FKBP9: variants seen among roughly 807,000 people sequenced by gnomAD.
FKBP9 encodes FKBP prolyl isomerase 9.
A neutral mutation model predicts 55.6 loss-of-function variants in FKBP9; 27 were observed. The observed-to-expected ratio is 0.49, with a 90% confidence interval of 0.36 to 0.67. The LOEUF (loss-of-function observed/expected upper bound fraction) is 0.67. FKBP9 is among the 30% of genes least tolerant of loss of function. The pLI, the probability that FKBP9 is intolerant of heterozygous loss-of-function variation, is 0.00. For synonymous variants in FKBP9, 267 were observed against 296.5 expected (o/e 0.90, Z 1.02); for missense variants, 539 against 742.8 (o/e 0.73, Z 3.19).
chr7:32,999,401 G>A (rs1784884898), intron 7 of FKBP9, among the ~76,000 whole-genome samples: 1 of 151,416 alleles, frequency 6.6e-6, no homozygotes, highest in Non-Finnish European at 1.5e-5. Flanking sequence ...AGTGACCGAA[G>A]TGATAGAGCA....
chr7:32,994,381 A>G (rs1177997946), intron 6 of FKBP9, among the ~76,000 whole-genome samples: 1 of 152,184 alleles, frequency 6.6e-6, no homozygotes, highest in Non-Finnish European at 1.5e-5. Flanking sequence ...TTCACTTAGC[A>G]TAATGTTTTC....
At chr7:32,959,735 T>C (rs1460201097) in intron 1 of FKBP9, among the ~76,000 whole-genome samples, 1 of 152,236 alleles carries the variant, frequency 6.6e-6, no homozygotes, top group African/African-American at 2.4e-5. Flanking sequence ...TTGTTATTTA[T>C]TTATAATTGG....
Position 32,957,510 on chromosome 7 carries a change from GC to G in FKBP9, c.-61del. The G allele has an allele frequency of 1.6e-6, 2 of 1,245,764 alleles. No homozygotes were observed. Among genetic ancestry groups the G allele is most frequent in the South Asian group, 1.9e-5 (1 of 52,188 alleles). 77.2% of individuals were successfully genotyped at this position (1,245,764 alleles called of 1,614,324 possible). On this transcript the variant is annotated 5_prime_UTR_variant, in exon 1 of 10. Coordinates refer to ENST00000242209, the MANE Select transcript of FKBP9 (RefSeq NM_007270.5). Reference sequence around the variant, plus strand: ...TCCACGTTTGCAAACGCAGCCGAACGCCCAGGCCGACCCGTGCCGCCCGAGC... The same window carrying G: ...TCCACGTTTGCAAACGCAGCCGAACGCCAGGCCGACCCGTGCCGCCCGAGC...
chr7:32,975,296 G>C lies in FKBP9; in HGVS notation c.482G>C (p.Arg161Pro). Residue 161 changes from arginine (R) to proline (P), a missense_variant, in exon 3 of 10, where the codon CGG becomes CCG. Arg to Pro is a moderately radical substitution (Grantham distance 103). Coordinates refer to ENST00000242209, the MANE Select transcript of FKBP9 (RefSeq NM_007270.5). ...HTYFKPPSCPRTIQVSDFVRY... is the reference protein window; with the variant it reads ...HTYFKPPSCPPTIQVSDFVRY... ...TATTTCAAGCCCCCGAGTTGCCCTC[G>C]GACCATCCAGGTGTCTGATTTTGTG... The C allele has an allele frequency of 6.2e-7, 1 of 1,613,920 alleles. No homozygotes were observed. The highest frequency in any genetic ancestry group is 8.5e-7 in the Non-Finnish European group (1 of 1,179,816).
At chr7:33,002,436 A>T (rs1583874071) in intron 8 of FKBP9, among the ~76,000 whole-genome samples, 1 of 152,118 alleles carries the variant, frequency 6.6e-6, no homozygotes, top group South Asian at 2.1e-4. Flanking sequence ...CCTGGCCTCT[A>T]TTCTATTCCT....
At chr7:32,965,872 C>CAT (rs375541462) in intron 1 of FKBP9, among the ~76,000 whole-genome samples, 37,381 of 73,004 alleles carry the variant, frequency 0.51, 7,829 homozygotes, top group Non-Finnish European at 0.54. Flanking sequence ...TATATACATA[C>CAT]ATATATATAT....
chr7:32,998,569 G>A (rs960302003), intron 7 of FKBP9: 2 of 152,204 alleles, frequency 1.3e-5, no homozygotes, highest in East Asian at 1.9e-4. Flanking sequence ...GAAGAGTAGC[G>A]GCTGGCGTCC....
At chr7:32,965,022 C>A (rs1387789989) in intron 1 of FKBP9, among the ~76,000 whole-genome samples, 2 of 152,256 alleles carry the variant, frequency 1.3e-5, no homozygotes, top group Non-Finnish European at 2.9e-5. Context: ...TGAGTTGGCC[C>A]AAGTGAGACA....
intron 1 of FKBP9, among the ~76,000 whole-genome samples, chr7:32,961,064 T>C (rs1784011771): frequency 6.6e-6 from 1 of 152,208 alleles, no homozygotes; most frequent in South Asian, 2.1e-4. Context: ...TAATCTATGG[T>C]CTGTAGTCCA....
At chr7:32,981,772 C>T (rs1784480350) in intron 5 of FKBP9, among the ~76,000 whole-genome samples, 1 of 151,574 alleles carries the variant, frequency 6.6e-6, no homozygotes, top group African/African-American at 2.4e-5. Context: ...TGGCGGGTGC[C>T]TGTAATCCCA....
chr7:32,996,219 A>T lies in FKBP9; in HGVS notation c.1096A>T (p.Asn366Tyr). 3.1e-6 allele frequency: 5 copies of T among 1,614,058 alleles called. No homozygotes were observed. Among genetic ancestry groups the T allele is most frequent in the Non-Finnish European group, 4.2e-6 (5 of 1,179,988 alleles). The change falls in exon 7 of 10, where the codon AAC becomes TAC. Residue 366 changes from asparagine to tyrosine, a missense_variant. Transcript: ENST00000242209. ...TGACATCCATGTGATCGACTTCCAC[A>T]ACCCTTCGGACTCCATCAGCATCAC... ...VFDIHVIDFH[N>Y]PSDSISITSH...
chr7:32,971,945 C>T (rs1784261778), intron 1 of FKBP9, among the ~76,000 whole-genome samples: 2 of 152,156 alleles, frequency 1.3e-5, no homozygotes, highest in African/African-American at 2.4e-5. Context: ...ACTCTGTAAA[C>T]AGTAGTTAGT....
chr7:32,965,810 A>AT (rs1456275208), intron 1 of FKBP9, among the ~76,000 whole-genome samples: 7,972 of 35,446 alleles, frequency 0.22, 365 homozygotes, highest in Non-Finnish European at 0.28. Flanking sequence ...AAAAAAAAAA[A>AT]AAATATATAT....
intron 7 of FKBP9, 49 bp from the exon 8 acceptor site, chr7:33,000,066 G>A: frequency 1.2e-6 from 2 of 1,612,086 alleles, no homozygotes; most frequent in South Asian, 1.1e-5. Context: ...AACACTCTCA[G>A]TGCCAATGGG....
intron 5 of FKBP9, among the ~76,000 whole-genome samples, chr7:32,987,069 G>A (rs1309305917): frequency 6.6e-6 from 1 of 152,194 alleles, no homozygotes; most frequent in African/African-American, 2.4e-5. Flanking sequence ...CCTGCCAGGA[G>A]CACTTGGAAA....
At chr7:32,962,263 G>T (rs192506314) in intron 1 of FKBP9, among the ~76,000 whole-genome samples, 2 of 152,024 alleles carry the variant, frequency 1.3e-5, no homozygotes, top group Admixed American at 6.5e-5. Context: ...GTGTGGTGGC[G>T]CATGCCTGCA....
intron 1 of FKBP9, among the ~76,000 whole-genome samples, chr7:32,970,208 T>C (rs1407400936): frequency 3.9e-5 from 6 of 152,018 alleles, no homozygotes; most frequent in African/African-American, 1.4e-4. Flanking sequence ...CTTTCTTTCT[T>C]TTTTTAGAGA....
intron 1 of FKBP9, among the ~76,000 whole-genome samples, chr7:32,960,938 G>A (rs1186024194): frequency 6.6e-6 from 1 of 152,224 alleles, no homozygotes; most frequent in Non-Finnish European, 1.5e-5. Context: ...AGACAGTGAG[G>A]TAGGTACCTC....
At chr7:33,003,948 C>A (rs1466575191) in intron 9 of FKBP9, among the ~76,000 whole-genome samples, 1 of 151,900 alleles carries the variant, frequency 6.6e-6, no homozygotes, top group Admixed American at 6.6e-5. Context: ...TGCTTGATGT[C>A]CTCATTTATG....
Sources: gnomAD v4.1 joint callset for allele counts (sites outside exome capture counted in the v4.1 genomes callset) on GRCh38, gnomAD v4.1.1 for gene constraint, MANE v1.5 for transcripts, NCBI Gene and HGNC (gene_info 2026-07-23, HGNC 2026-07-21) for gene names.